Variants in SEMA3A observed in about 807,000 individuals in gnomAD.
SEMA3A encodes the protein semaphorin-3A.
SEMA3A carries 29 observed loss-of-function variants against 97.9 expected under a neutral mutation model. The ratio of observed to expected loss-of-function variants is 0.30; its 90% CI spans 0.22 to 0.40. The LOEUF is 0.40. SEMA3A is among the 10% of genes least tolerant of loss of function. SEMA3A has a pLI of 1.00. For synonymous variants in SEMA3A, 321 were observed against 323.7 expected (o/e 0.99, Z 0.09); for missense variants, 763 against 951.3 (o/e 0.80, Z 2.60).
chr7:84,491,731 A>C (rs2116454862), intron 1 of SEMA3A, among the ~76,000 whole-genome samples: 1 of 152,300 alleles, frequency 6.6e-6, no homozygotes, highest in South Asian at 2.1e-4. Context: ...TTAATGGTGA[A>C]TCCAAAGTTG....
intron 1 of SEMA3A, among the ~76,000 whole-genome samples, chr7:84,435,419 C>T (rs902923252): frequency 5.3e-5 from 8 of 152,234 alleles, no homozygotes; most frequent in East Asian, 1.9e-4. Context: ...ACAATCCTGG[C>T]CAACATGGTG....
Position 84,046,433 on chromosome 7 carries a change from T to C in SEMA3A, c.558A>G (p.Leu186=). 2 of 1,612,988 alleles carry C rather than the reference T, an allele frequency of 1.2e-6. No homozygotes were observed. The highest frequency in any genetic ancestry group is 1.1e-5 in the South Asian group (1 of 91,058). The part of the protein sequence containing the change: ...LTASLLIDGE[L]YSGTAADFMG... ...TAAAATCAGCTGCAGTTCCAGAGTA[T>C]AATTCTCCATCTGTGTTGTGACAAA... Residue 186 remains leucine (L), a synonymous_variant, in exon 6 of 17, where the codon TTA becomes TTG. Transcript: ENST00000265362.
chr7:84,422,845 T>C (rs1035121478), intron 1 of SEMA3A, among the ~76,000 whole-genome samples: 19 of 152,052 alleles, frequency 1.2e-4, no homozygotes, highest in African/African-American at 4.6e-4. Flanking sequence ...AAGTTACAAA[T>C]TTAGAATGTC....
chr7:84,001,488 A>AAAT (rs957731969), intron 12 of SEMA3A, among the ~76,000 whole-genome samples: 49 of 152,234 alleles, frequency 3.2e-4, no homozygotes, highest in African/African-American at 1.2e-3. Context: ...TTTTGCTAAC[A>AAAT]AATGATTTCT....
At chr7:84,091,167 G>GGAAGGAAAGAAAGAAA (rs1554324917) in intron 4 of SEMA3A, among the ~76,000 whole-genome samples, 43 of 42,882 alleles carry the variant, frequency 1.0e-3, no homozygotes, top group South Asian at 1.6e-3. Context: ...AAGGAAGGAA[G>GGAAGGAAAGAAAGAAA]GAAAGAAAGA....
chr7:84,293,752 T>G (rs1800804287), intron 3 of SEMA3A, among the ~76,000 whole-genome samples: 1 of 152,002 alleles, frequency 6.6e-6, no homozygotes, highest in Non-Finnish European at 1.5e-5. Context: ...CCTAAATTAG[T>G]CAAAATATAA....
intron 4 of SEMA3A, among the ~76,000 whole-genome samples, chr7:84,088,378 C>A (rs879945586): frequency 6.6e-6 from 1 of 151,742 alleles, no homozygotes; most frequent in South Asian, 2.1e-4. Flanking sequence ...CGCTTGAACC[C>A]GAGAGGCAGA....
At chr7:84,354,608 C>T (rs1802513068) in intron 2 of SEMA3A, among the ~76,000 whole-genome samples, 1 of 151,538 alleles carries the variant, frequency 6.6e-6, no homozygotes, top group Admixed American at 6.6e-5. Context: ...TTTATTCTGC[C>T]AAACACGGAT....
At chr7:84,422,686 C>T (rs1804634068) in intron 1 of SEMA3A, among the ~76,000 whole-genome samples, 1 of 152,012 alleles carries the variant, frequency 6.6e-6, no homozygotes, top group Non-Finnish European at 1.5e-5. Flanking sequence ...ACTGCTTTAG[C>T]TGTGTCCCAG....
chr7:84,286,141 C>G (rs1010610664), intron 3 of SEMA3A, among the ~76,000 whole-genome samples: 1 of 152,080 alleles, frequency 6.6e-6, no homozygotes, highest in Non-Finnish European at 1.5e-5. Flanking sequence ...CCTTCTCTTT[C>G]TATCTCAACT....
intron 4 of SEMA3A, among the ~76,000 whole-genome samples, chr7:84,099,113 C>G (rs1311745611): frequency 3.8e-5 from 2 of 52,552 alleles, no homozygotes; most frequent in African/African-American, 7.5e-5. Flanking sequence ...CTCTGTCGCC[C>G]AGGCTGGAGT....
intron 3 of SEMA3A, among the ~76,000 whole-genome samples, chr7:84,220,908 T>C (rs1798863383): frequency 6.6e-6 from 1 of 152,126 alleles, no homozygotes; most frequent in Non-Finnish European, 1.5e-5. Flanking sequence ...TCACCAGCTA[T>C]ATTAGCTTCT....
At chr7:84,461,539 T>C (rs1379001895) in intron 1 of SEMA3A, among the ~76,000 whole-genome samples, 2 of 151,982 alleles carry the variant, frequency 1.3e-5, no homozygotes, top group Non-Finnish European at 2.9e-5. Flanking sequence ...GACTTATGCA[T>C]GAAGAGATAA....
intron 1 of SEMA3A, among the ~76,000 whole-genome samples, chr7:84,447,808 A>G (rs2079352): frequency 0.18 from 26,851 of 152,174 alleles, 2,508 homozygotes; most frequent in Middle Eastern, 0.23. Context: ...CTATGAGGAG[A>G]GAAGTGCTGC....
intron 1 of SEMA3A, among the ~76,000 whole-genome samples, chr7:84,153,618 T>C (rs1190860687): frequency 6.6e-6 from 1 of 152,180 alleles, no homozygotes; most frequent in African/African-American, 2.4e-5. Flanking sequence ...TCCTTAAATG[T>C]ATTTTTGTTA....
intron 2 of SEMA3A, among the ~76,000 whole-genome samples, chr7:84,359,606 T>C (rs1802658402): frequency 6.6e-6 from 1 of 152,098 alleles, no homozygotes; most frequent in African/African-American, 2.4e-5. Flanking sequence ...TTCTCTTTTT[T>C]GTGGTGTCTC....
At chr7:84,165,575 C>T (rs138497280) in intron 1 of SEMA3A, among the ~76,000 whole-genome samples, 21 of 151,966 alleles carry the variant, frequency 1.4e-4, no homozygotes, top group African/African-American at 3.6e-4. Context: ...TTTTTTGAGG[C>T]GGAGTCTCAC....
intron 6 of SEMA3A, among the ~76,000 whole-genome samples, chr7:84,020,075 T>TCA (rs1158036717): frequency 2.5e-5 from 3 of 121,680 alleles, no homozygotes; most frequent in Non-Finnish European, 4.9e-5. Context: ...AGACGGAGTC[T>TCA]CACTCTGTTG....
intron 1 of SEMA3A, among the ~76,000 whole-genome samples, chr7:84,459,748 C>T (rs1423991541): frequency 3.3e-5 from 5 of 152,142 alleles, no homozygotes; most frequent in Admixed American, 6.6e-5. Context: ...TTAATCCTGG[C>T]AGAGCTTGGT....
Sources: gnomAD v4.1 joint callset for allele counts (sites outside exome capture counted in the v4.1 genomes callset) on GRCh38, gnomAD v4.1.1 for gene constraint, MANE v1.5 for transcripts, NCBI Gene and HGNC (gene_info 2026-07-23, HGNC 2026-07-21) for gene names.